The following BSCL2 variants were observed in gnomAD, a reference collection of about 807,000 sequenced individuals.
The protein encoded by BSCL2 is seipin.
A neutral mutation model predicts 57.4 loss-of-function variants in BSCL2; 41 were observed. The ratio of observed to expected loss-of-function variants is 0.71; its 90% CI spans 0.56 to 0.93. The LOEUF (loss-of-function observed/expected upper bound fraction) is 0.93, where lower values mean the gene tolerates loss of function less well. Ranked by LOEUF, BSCL2 falls within the 40% of genes least tolerant of loss-of-function variation. The pLI is 0.00. For synonymous variants in BSCL2, 237 were observed against 227.3 expected (o/e 1.04, Z -0.38); for missense variants, 539 against 586.7 (o/e 0.92, Z 0.84).
chr11:62,708,981 C>G (rs759235425), upstream of BSCL2: 19 of 632,036 alleles, frequency 3.0e-5, no homozygotes, highest in Non-Finnish European at 5.1e-5. Flanking sequence ...ACCCCATTTC[C>G]TACCACCTTT....
upstream of BSCL2, chr11:62,708,068 TG>T: frequency 1.7e-6 from 1 of 577,986 alleles, no homozygotes; most frequent in South Asian, 2.0e-5. Flanking sequence ...TAAGGTTTAA[TG>T]ATCTGTGGCC....
In BSCL2 at chr11:62,707,168, C is replaced by T. The variant is rs1256177711; in HGVS notation, c.28G>A (p.Glu10Lys). 1 of 1,554,074 alleles carries T rather than the reference C, an allele frequency of 6.4e-7. No homozygotes were observed. Among genetic ancestry groups the T allele is most frequent in the Non-Finnish European group, 8.7e-7 (1 of 1,147,726 alleles). The change falls in exon 1 of 11, where the codon GAG becomes AAG. Residue 10 changes from glutamate (E) to lysine (K), a missense_variant. Around this residue, in one of 3 missense-constraint regions of BSCL2, gnomAD observed 218 missense variants for 224.8 expected, o/e 0.97. Coordinates refer to ENST00000360796, the MANE Select transcript of BSCL2 (RefSeq NM_001122955.4). Reference protein sequence around the residue: MSTEKVDQKEEAGEKEVCGD... With the variant: MSTEKVDQKKEAGEKEVCGD... Reference sequence around the variant, plus strand: ...CACACCTCTTTTTCCCCAGCTTCCTCCTTTTGGTCTACCTTTTCTGTAGAC... The same window carrying T: ...CACACCTCTTTTTCCCCAGCTTCCTTCTTTTGGTCTACCTTTTCTGTAGAC...
At position 62,690,311 on chromosome 11, in the gene BSCL2, A is replaced by AG; in HGVS notation, c.*55dup. 5 of 1,611,502 alleles carry AG rather than the reference A, an allele frequency of 3.1e-6. No individual in the cohort carries two copies. Among genetic ancestry groups the AG allele is most frequent in the Non-Finnish European group, 4.2e-6 (5 of 1,178,838 alleles). ...AAAATAGTTTATTGAAGGAAAAACGAGGGGAGAGGAGTCAGGTGGGAAAGT... is the reference window on the plus strand; with the variant it reads ...AAAATAGTTTATTGAAGGAAAAACGAGGGGGAGAGGAGTCAGGTGGGAAAGT... On this transcript the variant is annotated 3_prime_UTR_variant, in exon 11 of 11. Coordinates refer to ENST00000360796, the MANE Select transcript of BSCL2 (RefSeq NM_001122955.4).
chr11:62,694,195 CTTTTTTTTTTTTTTT>C (rs71056545), intron 4 of BSCL2, among the ~76,000 whole-genome samples: 2 of 47,134 alleles, frequency 4.2e-5, no homozygotes, highest in Non-Finnish European at 7.3e-5. Context: ...CCCAGACATT[CTTTTTTTTTTTTTTT>C]TTTTTTTTTT....
intron 1 of BSCL2, chr11:62,706,341 T>G: frequency 9.0e-7 from 1 of 1,116,894 alleles, no homozygotes; most frequent in South Asian, 1.8e-5. Context: ...CGGCCGCTTT[T>G]GTAGCCGTGG....
chr11:62,692,016 C>T (rs1945324562), intron 6 of BSCL2, among the ~76,000 whole-genome samples: 2 of 149,736 alleles, frequency 1.3e-5, no homozygotes, highest in Admixed American at 1.3e-4. Flanking sequence ...CGCGCCACTG[C>T]ACTCCAGCCT....
At chr11:62,708,636 C>T, upstream of BSCL2, 1 of 1,609,254 alleles carries the variant, frequency 6.2e-7, no homozygotes, top group Non-Finnish European at 8.5e-7. Flanking sequence ...CAGTCCCCTT[C>T]AGAGGTCCTG....
rs1945402088 is a variant in BSCL2 at position 62,694,604 on chromosome 11, G to A, written c.594C>T (p.Thr198=). ...AAGTGGAGATGATTCGGCCACCTCT[G>A]GTGTAGCAGGAAATGGTGACCAAGA... ...GMFLVTISCY[T]RGGRIISTSS... Residue 198 remains threonine, a synonymous_variant, in exon 4 of 11, where the codon ACC becomes ACT. Coordinates refer to ENST00000360796, the MANE Select transcript of BSCL2 (RefSeq NM_001122955.4). 1 of 1,614,048 alleles carries A rather than the reference G, an allele frequency of 6.2e-7. No individual in the cohort carries two copies. The highest frequency in any genetic ancestry group is 1.3e-5 in the African/African-American group (1 of 75,006).
At chr11:62,693,535 G>A (rs1945367518) in intron 4 of BSCL2, among the ~76,000 whole-genome samples, 1 of 152,134 alleles carries the variant, frequency 6.6e-6, no homozygotes, top group Non-Finnish European at 1.5e-5. Context: ...CAGCCACTAT[G>A]TGCTAATGGG....
At chr11:62,703,844 G>A (rs1383211048) in intron 2 of BSCL2, among the ~76,000 whole-genome samples, 3 of 151,678 alleles carry the variant, frequency 2.0e-5, no homozygotes, top group South Asian at 2.1e-4. Flanking sequence ...ACTAGGCCGG[G>A]CGCAGTGGCT....
chr11:62,708,586 T>C (rs903720912), upstream of BSCL2: 3 of 1,558,446 alleles, frequency 1.9e-6, no homozygotes, highest in African/African-American at 2.7e-5. Context: ...TAAGGAGCCC[T>C]GGAGATGGCA....
Position 62,691,403 on chromosome 11 carries a change from G to A in BSCL2, c.882C>T (p.Phe294=), listed in dbSNP as rs786204131. Residue 294 remains phenylalanine, a synonymous_variant, in exon 7 of 11, where the codon TTC becomes TTT. Transcript: ENST00000360796. ...CACCTATGAAGGCGCAGGTCATCGG[G>A]AAGTTGTATAGCAGGTATCTGAGGC... is the stretch of plus-strand genomic sequence containing the variant. ...FTGLRYLLYN[F]PMTCAFIGVA... 1 of 1,614,204 alleles carries A rather than the reference G, an allele frequency of 6.2e-7. No individual in the cohort carries two copies. Among genetic ancestry groups the A allele is most frequent in the Non-Finnish European group, 8.5e-7 (1 of 1,180,040 alleles).
chr11:62,691,566 T>G, intron 6 of BSCL2, 145 bp from the exon 7 acceptor site: 1 of 1,001,150 alleles, frequency 1.0e-6, no homozygotes, highest in Non-Finnish European at 1.5e-6. Flanking sequence ...CCACACAGTT[T>G]CCAGAACCTG....
chr11:62,708,612 G>T, upstream of BSCL2: 1 of 1,595,288 alleles, frequency 6.3e-7, no homozygotes, highest in African/African-American at 1.3e-5. Context: ...GAACCCATTT[G>T]GGGAGGGAGG....
intron 3 of BSCL2, among the ~76,000 whole-genome samples, chr11:62,698,288 T>A (rs1945534180): frequency 6.6e-6 from 1 of 152,024 alleles, no homozygotes; most frequent in African/African-American, 2.4e-5. Context: ...GACCTCTGCC[T>A]CCTGGGTTCA....
chr11:62,694,794 C>G, intron 3 of BSCL2, 83 bp from the exon 4 acceptor site: 1 of 1,485,502 alleles, frequency 6.7e-7, no homozygotes, highest in Non-Finnish European at 9.2e-7. Flanking sequence ...TCTTAGCCCC[C>G]GCAACGCCCC....
At chr11:62,692,949 A>T in intron 4 of BSCL2, 152 bp from the exon 5 acceptor site, 1 of 943,600 alleles carries the variant, frequency 1.1e-6, no homozygotes, top group Non-Finnish European at 1.6e-6. Flanking sequence ...CCTCAGTCTC[A>T]TCCAACCATT....
rs867357580 is a variant in BSCL2 at position 62,705,475 on chromosome 11, G to A, written c.230C>T (p.Ala77Val). The A allele has an allele frequency of 6.2e-7, 1 of 1,614,202 alleles. No individual in the cohort carries two copies. Among genetic ancestry groups the A allele is most frequent in the Non-Finnish European group, 8.5e-7 (1 of 1,180,036 alleles). Residue 77 changes from alanine (A) to valine (V), a missense_variant, in exon 2 of 11, where the codon GCC becomes GTC. Transcript: ENST00000360796. ...NDPPVPALLW[A>V]QEVGQVLAGR... ...TGCCAAGACTTGGCCCACCTCCTGG[G>A]CCCACAGTAAGGCAGGTACTGGAGG...
At chr11:62,704,351 G>T (rs1357080449) in intron 2 of BSCL2, among the ~76,000 whole-genome samples, 2 of 122,898 alleles carry the variant, frequency 1.6e-5, no homozygotes, top group Middle Eastern at 5.3e-3. Context: ...GGCTAACAAG[G>T]TGAAACCCCA....
Sources: gnomAD v4.1 joint callset for allele counts (sites outside exome capture counted in the v4.1 genomes callset) on GRCh38, gnomAD v4.1.1 for gene constraint, gnomAD v4.1.1 regional missense constraint, MANE v1.5 for transcripts, NCBI Gene and HGNC (gene_info 2026-07-23, HGNC 2026-07-21) for gene names.